SPHKAP: variants seen among roughly 807,000 people sequenced by gnomAD.
SPHKAP encodes SPHK1 interactor, AKAP domain containing.
In SPHKAP, 67 loss-of-function variants were observed where a neutral mutation model predicts 137.5. That is an observed-to-expected ratio of 0.49 (90% CI 0.40 to 0.60). SPHKAP has a LOEUF of 0.60. Ranked by LOEUF, SPHKAP falls within the 20% of genes least tolerant of loss-of-function variation. SPHKAP has a pLI of 0.00. For synonymous variants in SPHKAP, 813 were observed against 785.3 expected (o/e 1.04, Z -0.59); for missense variants, 2,097 against 2,069.3 (o/e 1.01, Z -0.26).
At position 228,181,529 on chromosome 2, in the gene SPHKAP, T is replaced by C. The variant is rs758946025; in HGVS notation, c.32+38A>G. 3.1e-6 allele frequency: 5 copies of C among 1,614,048 alleles called. No individual in the cohort carries two copies. Among genetic ancestry groups the C allele is most frequent in the Middle Eastern group, 1.6e-4 (1 of 6,062 alleles). ...ACTCACAACGCGGAACGGAGTTTGA[T>C]CGACATGGTATTGGGCATAGAAAGA... is the stretch of plus-strand genomic sequence containing the variant. On this transcript the variant is annotated intron_variant, in intron 1 of 11. Transcript: ENST00000392056. The surrounding 1 kb of genome is among the most constrained non-coding windows in gnomAD (Gnocchi z 4.3).
At chr2:228,039,362 T>C (rs1159668167) in intron 3 of SPHKAP, among the ~76,000 whole-genome samples, 1 of 152,202 alleles carries the variant, frequency 6.6e-6, no homozygotes, top group Non-Finnish European at 1.5e-5. Context: ...GATGCCACCT[T>C]ATGATTTTGA....
In SPHKAP at chr2:228,017,989, T is replaced by A. The variant is rs377550495; in HGVS notation, c.2865A>T (p.Lys955Asn). 4 of 1,614,126 alleles carry A rather than the reference T, an allele frequency of 2.5e-6. No homozygotes were observed. The highest frequency in any genetic ancestry group is 1.7e-5 in the Admixed American group (1 of 60,014). ...TTTTCCATGCACAAAACCAGGGTTG[T>A]TTTCCACTGGAGTTGTCAAGGCAAA... The part of the protein sequence containing the change: ...AAICLDNSSG[K>N]QPWFCAWKRG... The change falls in exon 7 of 12, where the codon AAA becomes AAT. Residue 955 changes from lysine (K) to asparagine (N), a missense_variant. Coordinates refer to ENST00000392056, the MANE Select transcript of SPHKAP (RefSeq NM_001142644.2).
At chr2:228,069,384 T>C (rs1014447066) in intron 3 of SPHKAP, among the ~76,000 whole-genome samples, 4 of 152,138 alleles carry the variant, frequency 2.6e-5, no homozygotes, top group East Asian at 1.9e-4. Context: ...GTACCTTGTA[T>C]ACAGAAAGTG....
intron 1 of SPHKAP, among the ~76,000 whole-genome samples, chr2:228,142,131 A>G (rs1361838846): frequency 6.6e-6 from 1 of 152,174 alleles, no homozygotes; most frequent in Non-Finnish European, 1.5e-5. Context: ...AGTTAAAGGC[A>G]GTCATATGAA....
chr2:228,038,268 A>T (rs1203413276), intron 3 of SPHKAP, among the ~76,000 whole-genome samples: 1 of 152,206 alleles, frequency 6.6e-6, no homozygotes, highest in East Asian at 1.9e-4. Context: ...GGTATCCAGG[A>T]GAAGGCTGAA....
intron 1 of SPHKAP, among the ~76,000 whole-genome samples, chr2:228,170,863 G>A (rs1280109392): frequency 1.2e-4 from 18 of 152,168 alleles, no homozygotes. Context: ...ATTTGTGATA[G>A]TTAACAGAAA....
At chr2:228,108,240 A>G (rs1159476539) in intron 3 of SPHKAP, among the ~76,000 whole-genome samples, 1 of 152,230 alleles carries the variant, frequency 6.6e-6, no homozygotes, top group African/African-American at 2.4e-5. Flanking sequence ...TATAGGAAGG[A>G]ACATATTCTA....
intron 1 of SPHKAP, among the ~76,000 whole-genome samples, chr2:228,145,193 T>A (rs997323614): frequency 1.3e-5 from 2 of 152,108 alleles, no homozygotes; most frequent in Non-Finnish European, 2.9e-5. Context: ...AACAACAACA[T>A]CATCACACCA....
At chr2:228,091,350 G>A (rs1334272825) in intron 3 of SPHKAP, among the ~76,000 whole-genome samples, 1 of 152,164 alleles carries the variant, frequency 6.6e-6, no homozygotes, top group African/African-American at 2.4e-5. Context: ...TCTAGACATT[G>A]GCTTAGGCAA....
At position 228,017,779 on chromosome 2, in the gene SPHKAP, G is replaced by A; in HGVS notation, c.3075C>T (p.Ser1025=). ...EKLMNRVVDE[S]MNLEDVPDSV... is the part of the protein sequence containing the mutation. ...AATCTGGGACATCTTCAAGGTTCAT[G>A]GACTCATCCACAACCCTGTTCATCA... Residue 1025 remains serine, a synonymous_variant, in exon 7 of 12, where the codon TCC becomes TCT. Coordinates refer to ENST00000392056, the MANE Select transcript of SPHKAP (RefSeq NM_001142644.2). 2 of 1,614,128 alleles carry A rather than the reference G, an allele frequency of 1.2e-6. No homozygotes were observed. Among genetic ancestry groups the A allele is most frequent in the South Asian group, 2.2e-5 (2 of 91,078 alleles).
chr2:228,121,042 C>T (rs1698885619), intron 2 of SPHKAP, among the ~76,000 whole-genome samples: 1 of 152,136 alleles, frequency 6.6e-6, no homozygotes, highest in Non-Finnish European at 1.5e-5. Flanking sequence ...AAGAAACACA[C>T]ATGTAGGAAA....
At chr2:228,175,807 G>T (rs1156690510) in intron 1 of SPHKAP, among the ~76,000 whole-genome samples, 1 of 152,016 alleles carries the variant, frequency 6.6e-6, no homozygotes, top group Non-Finnish European at 1.5e-5. Context: ...GAGATAGATA[G>T]ATTTTTTTAA....
intron 3 of SPHKAP, among the ~76,000 whole-genome samples, chr2:228,100,096 C>T (rs1031275931): frequency 4.0e-4 from 61 of 151,932 alleles, no homozygotes; most frequent in Non-Finnish European, 7.8e-4. Context: ...GTGATCCACC[C>T]GCCTCGGCCT....
At chr2:228,161,480 C>T (rs1039389890) in intron 1 of SPHKAP, among the ~76,000 whole-genome samples, 28 of 152,136 alleles carry the variant, frequency 1.8e-4, no homozygotes, top group African/African-American at 6.3e-4. Flanking sequence ...TGCATATTCT[C>T]GCTTAAAAGT....
At chr2:228,131,665 G>T in intron 2 of SPHKAP, 2 of 456,156 alleles carry the variant, frequency 4.4e-6, no homozygotes, top group Non-Finnish European at 5.8e-6. Flanking sequence ...CATTCAAAAT[G>T]CATGAACATT....
Position 228,018,963 on chromosome 2 carries a change from T to A in SPHKAP, c.1891A>T (p.Asn631Tyr). Reference sequence around the variant, plus strand: ...AAGTCTCCAATGCTGCTGTAGGTATTAGGCCTTGTTAAAACCAGAGCAGCC... The same window carrying A: ...AAGTCTCCAATGCTGCTGTAGGTATAAGGCCTTGTTAAAACCAGAGCAGCC... ...KEAALVLTRP[N>Y]TYSSIGDFLD... Residue 631 changes from asparagine to tyrosine, a missense_variant, in exon 7 of 12, where the codon AAT becomes TAT. Coordinates refer to ENST00000392056, the MANE Select transcript of SPHKAP (RefSeq NM_001142644.2). 6.2e-7 allele frequency: 1 copy of A among 1,614,144 alleles called. No homozygotes were observed. Among genetic ancestry groups the A allele is most frequent in the Non-Finnish European group, 8.5e-7 (1 of 1,180,004 alleles).
chr2:228,048,332 T>C lies in SPHKAP; in HGVS notation c.247-20789A>G, dbSNP rs147117190. Among the ~76,000 whole-genome samples, 5 of 132,310 alleles carry C rather than the reference T, an allele frequency of 3.8e-5. No homozygotes were observed. The East Asian group carries it at 1.3e-3, about 35-fold the overall frequency. The allele number at this position is 132,310 out of a possible 152,430, so 86.8% of individuals were successfully genotyped here. On this transcript the variant is annotated intron_variant, in intron 3 of 11. Coordinates refer to ENST00000392056, the MANE Select transcript of SPHKAP (RefSeq NM_001142644.2). ...TTTAGCAGGTTATCTGAATACCTTT[T>C]GGTGAAACGGGGGGGTGGAGATGGG...
intron 1 of SPHKAP, among the ~76,000 whole-genome samples, chr2:228,170,467 CAAGCATTTTTGTTTTCTTATTTA>C (rs1190552010): frequency 6.6e-6 from 1 of 151,990 alleles, no homozygotes; most frequent in Non-Finnish European, 1.5e-5. Context: ...ATCTGTGGAG[CAAGCATTTTTGTTTTCTTATTTA>C]AAGAAGTTTG....
rs1319027770 is a variant in SPHKAP at position 228,043,458 on chromosome 2, C to G, written c.247-15915G>C. ...TCTCATGCCTCAGCCTCCCGAGTAG[C>G]TGGGACTACAGGCACGTGCCACCAT... On this transcript the variant is annotated intron_variant, in intron 3 of 11. Transcript: ENST00000392056. Among the ~76,000 whole-genome samples, 3 of 152,288 alleles carry G rather than the reference C, an allele frequency of 2.0e-5. No individual in the cohort carries two copies. The East Asian group carries it at 5.8e-4, about 29-fold the overall frequency.
Sources: allele counts gnomAD v4.1 joint callset (sites outside exome capture counted in the v4.1 genomes callset), GRCh38; gene constraint gnomAD v4.1.1; non-coding constraint Gnocchi (gnomAD v3.1); transcripts MANE v1.5; gene names NCBI Gene and HGNC (gene_info 2026-07-23, HGNC 2026-07-21).